SPMIP7: variants seen among roughly 807,000 people sequenced by gnomAD.
The protein encoded by SPMIP7 is protein SPMIP7.
At chr7:50,105,876 G>C in the SPMIP7 span, among the ~76,000 whole-genome samples, 88 of 152,226 alleles carry the variant, frequency 5.8e-4, 1 homozygote, top group African/African-American at 1.9e-3. Flanking sequence ...AATCCTGTGA[G>C]AGCAAATCAA....
At chr7:50,136,283 G>A in the SPMIP7 span, 1 of 721,634 alleles carries the variant, frequency 1.4e-6, no homozygotes, top group Non-Finnish European at 2.4e-6. Flanking sequence ...GTTCTCTGAT[G>A]GAGAGCATCC....
At chr7:50,132,211 G>A in the SPMIP7 span, among the ~76,000 whole-genome samples, 1 of 152,020 alleles carries the variant, frequency 6.6e-6, no homozygotes, top group Non-Finnish European at 1.5e-5. Flanking sequence ...CTGAACATGG[G>A]ATCCTTGTTG....
At chr7:50,122,001 T>C in the SPMIP7 span, among the ~76,000 whole-genome samples, 2 of 152,038 alleles carry the variant, frequency 1.3e-5, no homozygotes, top group African/African-American at 4.8e-5. Flanking sequence ...GATTTGAACA[T>C]GGATATATTT....
chr7:50,105,103 T>A, the SPMIP7 span, among the ~76,000 whole-genome samples: 17 of 152,202 alleles, frequency 1.1e-4, no homozygotes, highest in African/African-American at 4.1e-4. Context: ...TTCTTAATCA[T>A]CTTCCTGTGT....
At chr7:50,132,487 T>C in the SPMIP7 span, among the ~76,000 whole-genome samples, 1 of 152,312 alleles carries the variant, frequency 6.6e-6, no homozygotes, top group East Asian at 1.9e-4. Context: ...TAGTATTAAG[T>C]AGTTTCTCTT....
chr7:50,099,037 TTC>T, the SPMIP7 span, among the ~76,000 whole-genome samples: 2 of 152,304 alleles, frequency 1.3e-5, no homozygotes, highest in East Asian at 3.9e-4. Flanking sequence ...CCGTTATATC[TTC>T]TGTTATCTAT....
At chr7:50,157,810 T>C in the SPMIP7 span, among the ~76,000 whole-genome samples, 104,050 of 152,116 alleles carry the variant, frequency 0.68, 36,029 homozygotes, top group East Asian at 0.95. Context: ...AGGATAGCCA[T>C]CTCCAGGCAG....
the SPMIP7 span, among the ~76,000 whole-genome samples, chr7:50,148,193 G>A: frequency 9.9e-5 from 15 of 152,140 alleles, 1 homozygote; most frequent in Non-Finnish European, 5.9e-5. Flanking sequence ...GTGTGGGTGA[G>A]GACTTTCGTT....
At chr7:50,134,184 G>T in the SPMIP7 span, 2 of 1,550,540 alleles carry the variant, frequency 1.3e-6, no homozygotes, top group Non-Finnish European at 1.7e-6. Context: ...GGAAAAAACC[G>T]CTGACCCCAT....
At chr7:50,155,329 A>G in the SPMIP7 span, among the ~76,000 whole-genome samples, 12 of 151,784 alleles carry the variant, frequency 7.9e-5, no homozygotes, top group African/African-American at 2.2e-4. Context: ...GCTGGTAGAC[A>G]TTTAGACAAG....
chr7:50,135,754 G>A, the SPMIP7 span, among the ~76,000 whole-genome samples: 41 of 152,266 alleles, frequency 2.7e-4, no homozygotes, highest in South Asian at 3.3e-3. Context: ...AACTGGCCTG[G>A]GTTTGCAGAG....
the SPMIP7 span, among the ~76,000 whole-genome samples, chr7:50,127,622 T>TATAC: frequency 6.7e-6 from 1 of 148,608 alleles, no homozygotes; most frequent in African/African-American, 2.5e-5. Flanking sequence ...TTTTTCTATA[T>TATAC]ATATATATAT....
At chr7:50,137,929 C>T in the SPMIP7 span, among the ~76,000 whole-genome samples, 2 of 151,846 alleles carry the variant, frequency 1.3e-5, no homozygotes, top group Non-Finnish European at 2.9e-5. Context: ...TCAAAGTATC[C>T]CCTTCTAGTC....
At chr7:50,111,243 C>A in the SPMIP7 span, among the ~76,000 whole-genome samples, 2 of 151,700 alleles carry the variant, frequency 1.3e-5, no homozygotes, top group Admixed American at 6.6e-5. Flanking sequence ...GTTTAACAGG[C>A]AAAAGAAAGA....
the SPMIP7 span, among the ~76,000 whole-genome samples, chr7:50,114,191 A>G: frequency 1.3e-5 from 2 of 152,192 alleles, no homozygotes; most frequent in African/African-American, 2.4e-5. Flanking sequence ...TGAAAATTCA[A>G]GTTCACACAA....
At chr7:50,124,378 CA>C in the SPMIP7 span, among the ~76,000 whole-genome samples, 5 of 152,266 alleles carry the variant, frequency 3.3e-5, no homozygotes, top group South Asian at 1.0e-3. Flanking sequence ...ATACATCAAT[CA>C]CCTTCAGGTA....
At chr7:50,137,688 A>C in the SPMIP7 span, among the ~76,000 whole-genome samples, 3 of 151,890 alleles carry the variant, frequency 2.0e-5, no homozygotes, top group African/African-American at 7.3e-5. Flanking sequence ...TTTTCAGATA[A>C]AAAAAAATCC....
chr7:50,112,947 AT>A, the SPMIP7 span, among the ~76,000 whole-genome samples: 115,894 of 149,176 alleles, frequency 0.78, 45,159 homozygotes, highest in East Asian at 0.88. Flanking sequence ...GTACTGATCT[AT>A]GTAAACATAA....
At chr7:50,151,300 C>A in the SPMIP7 span, 1 of 626,400 alleles carries the variant, frequency 1.6e-6, no homozygotes, top group Non-Finnish European at 2.8e-6. Context: ...CCTTTTTGGA[C>A]AGCCCAAGTT....
Sources: allele counts gnomAD v4.1 joint callset (sites outside exome capture counted in the v4.1 genomes callset), GRCh38; gene constraint gnomAD v4.1.1; transcripts MANE v1.5; gene names NCBI Gene and HGNC (gene_info 2026-07-23, HGNC 2026-07-21).